The following FER variants were observed in gnomAD, a reference collection of about 807,000 sequenced individuals.
The protein encoded by FER is tyrosine-protein kinase Fer.
In FER, 63 loss-of-function variants were observed where a neutral mutation model predicts 111.0. The ratio of observed to expected loss-of-function variants is 0.57; its 90% CI spans 0.46 to 0.70. The LOEUF is 0.70. Among genes scored for constraint, FER ranks in the 30% least tolerant of loss-of-function variants. FER has a pLI of 0.00. For missense variants in FER, 914 were observed against 954.0 expected, an observed-to-expected ratio of 0.96 and a Z score of 0.55; for synonymous variants, 327 against 313.9, an observed-to-expected ratio of 1.04 and a Z score of -0.44.
At chr5:109,118,290 TTATA>T (rs1750522459) in intron 17 of FER, among the ~76,000 whole-genome samples, 1 of 152,192 alleles carries the variant, frequency 6.6e-6, no homozygotes, top group African/African-American at 2.4e-5. Flanking sequence ...TTGGTTCTGT[TTATA>T]TGCTGGATTA....
At chr5:109,055,644 A>G (rs570288716) in intron 16 of FER, among the ~76,000 whole-genome samples, 9 of 151,634 alleles carry the variant, frequency 5.9e-5, no homozygotes, top group Non-Finnish European at 1.3e-4. Context: ...TAAATTAACC[A>G]GACATGGTGA....
intron 3 of FER, among the ~76,000 whole-genome samples, chr5:108,824,087 A>C (rs1175453808): frequency 6.6e-6 from 1 of 151,912 alleles, no homozygotes; most frequent in Admixed American, 6.6e-5. Flanking sequence ...AGTTGATTGT[A>C]TATGTGTGGG....
intron 13 of FER, among the ~76,000 whole-genome samples, chr5:109,013,246 C>T (rs1187524722): frequency 3.7e-5 from 4 of 106,940 alleles, no homozygotes; most frequent in Non-Finnish European, 5.2e-5. Context: ...CACCCCACAA[C>T]AGTCCCCGAA....
intron 17 of FER, among the ~76,000 whole-genome samples, chr5:109,147,345 CACA>C (rs1308084399): frequency 7.3e-6 from 1 of 137,650 alleles, no homozygotes; most frequent in Admixed American, 7.0e-5. Flanking sequence ...GTGTAAATTG[CACA>C]ACCCCTTTGG....
chr5:108,797,340 AG>A (rs762231775), intron 2 of FER, among the ~76,000 whole-genome samples: 5 of 152,046 alleles, frequency 3.3e-5, no homozygotes, highest in African/African-American at 9.7e-5. Context: ...GGGGTGCAGA[AG>A]GGGTGTTGCA....
intron 17 of FER, among the ~76,000 whole-genome samples, chr5:109,117,520 A>G (rs1476817591): frequency 1.3e-5 from 2 of 152,160 alleles, no homozygotes; most frequent in African/African-American, 2.4e-5. Context: ...GCTGTATATT[A>G]TTTTGATCTC....
chr5:109,192,070 G>A lies in FER; in HGVS notation c.*4495G>A, dbSNP rs554025083. ...TTCTGAACTTTTAGTGTAGGCATTA[G>A]GAATCACTTAGCCACTTAATAAGGA... On this transcript the variant is annotated 3_prime_UTR_variant, in exon 20 of 20. Coordinates refer to ENST00000281092, the MANE Select transcript of FER (RefSeq NM_005246.4). 5 of 152,126 alleles carry A rather than the reference G, an allele frequency of 3.3e-5. No individual in the cohort carries two copies. Among genetic ancestry groups the A allele is most frequent in the South Asian group, 4.1e-4 (2 of 4,826 alleles). 9.4% of individuals were successfully genotyped at this position (152,126 alleles called of 1,614,324 possible).
intron 13 of FER, among the ~76,000 whole-genome samples, chr5:108,993,617 AAGGGCGAGGGCGAGGGTGAGGGC>A (rs1581557324): frequency 9.5e-6 from 1 of 104,936 alleles, no homozygotes. Context: ...GGGAGAGGGC[AAGGGCGAGGGCGAGGGTGAGGGC>A]GAGGGCGAGG....
chr5:108,817,672 G>C (rs1758422505), intron 3 of FER, among the ~76,000 whole-genome samples: 3 of 152,066 alleles, frequency 2.0e-5, no homozygotes, highest in Admixed American at 2.0e-4. Context: ...AATACTTTTG[G>C]TATAATAAAC....
chr5:109,046,785 T>C (rs1187548278), intron 15 of FER, among the ~76,000 whole-genome samples: 2 of 152,188 alleles, frequency 1.3e-5, no homozygotes, highest in Non-Finnish European at 2.9e-5. Context: ...TTAGGTCTTA[T>C]AAGTAATCTG....
At chr5:108,789,367 A>G (rs1390403979) in intron 2 of FER, among the ~76,000 whole-genome samples, 1 of 150,952 alleles carries the variant, frequency 6.6e-6, no homozygotes, top group Non-Finnish European at 1.5e-5. Flanking sequence ...TTTTAACTGT[A>G]TCTCATACTC....
chr5:108,845,182 GT>G (rs951238843), intron 5 of FER, among the ~76,000 whole-genome samples: 6 of 143,894 alleles, frequency 4.2e-5, no homozygotes, highest in African/African-American at 1.5e-4. Context: ...GTTTTGTTTT[GT>G]TTTTTTTACA....
intron 1 of FER, among the ~76,000 whole-genome samples, chr5:108,764,802 A>G (rs1752136441): frequency 6.6e-6 from 1 of 152,222 alleles, no homozygotes; most frequent in Non-Finnish European, 1.5e-5. Context: ...GGGGATATTT[A>G]TTAGAGAAGT....
intron 1 of FER, among the ~76,000 whole-genome samples, chr5:108,760,789 A>G (rs1457710895): frequency 6.6e-6 from 1 of 152,126 alleles, no homozygotes; most frequent in Non-Finnish European, 1.5e-5. Flanking sequence ...AACTTTCTTT[A>G]TATCAGCAAT....
chr5:108,782,415 C>T (rs2081511900), intron 2 of FER, among the ~76,000 whole-genome samples: 1 of 152,022 alleles, frequency 6.6e-6, no homozygotes, highest in African/African-American at 2.4e-5. Flanking sequence ...CAGTAGAAGC[C>T]AGAAGTTGCA....
At chr5:108,887,969 A>G (rs1747428221) in intron 9 of FER, among the ~76,000 whole-genome samples, 1 of 151,842 alleles carries the variant, frequency 6.6e-6, no homozygotes, top group Admixed American at 6.6e-5. Context: ...GTTTTATATC[A>G]TTATCACTTA....
chr5:108,993,509 G>A (rs1763547603), intron 13 of FER, among the ~76,000 whole-genome samples: 1 of 152,008 alleles, frequency 6.6e-6, no homozygotes, highest in Admixed American at 6.5e-5. Flanking sequence ...GCTTCGGCTC[G>A]GCATCAGAGG....
At chr5:109,005,651 T>C (rs935818354) in intron 13 of FER, among the ~76,000 whole-genome samples, 1 of 152,186 alleles carries the variant, frequency 6.6e-6, no homozygotes, top group Non-Finnish European at 1.5e-5. Context: ...TTCCAAAAAA[T>C]AGCTAGGGAA....
intron 17 of FER, among the ~76,000 whole-genome samples, chr5:109,155,222 G>T (rs1396256269): frequency 1.3e-5 from 2 of 151,904 alleles, no homozygotes; most frequent in East Asian, 1.9e-4. Context: ...TAACTGATAT[G>T]TTACTGCCTA....
Sources: allele counts gnomAD v4.1 joint callset (sites outside exome capture counted in the v4.1 genomes callset), GRCh38; gene constraint gnomAD v4.1.1; transcripts MANE v1.5; gene names NCBI Gene and HGNC (gene_info 2026-07-23, HGNC 2026-07-21).